Variants in MTX2 observed in about 807,000 individuals in gnomAD.
MTX2 encodes the protein metaxin 2.
In MTX2, 35 loss-of-function variants were observed where a neutral mutation model predicts 42.3. The ratio of observed to expected loss-of-function variants is 0.83; its 90% CI spans 0.63 to 1.10. The LOEUF (loss-of-function observed/expected upper bound fraction) is 1.10, where lower values mean the gene tolerates loss of function less well. Ranked by LOEUF, MTX2 falls within the 50% of genes least tolerant of loss-of-function variation. The pLI, the probability that MTX2 is intolerant of heterozygous loss-of-function variation, is 0.00. For synonymous variants in MTX2, 119 were observed against 100.9 expected (o/e 1.18, Z -1.08); for missense variants, 307 against 304.1 (o/e 1.01, Z -0.07).
chr2:176,328,851 A>C (rs769451466), intron 6 of MTX2, 23 bp from the exon 7 acceptor site: 1 of 1,600,678 alleles, frequency 6.2e-7, no homozygotes, highest in South Asian at 1.1e-5. Flanking sequence ...TCTAAAGTTT[A>C]GTGACTGTTC....
intron 4 of MTX2, among the ~76,000 whole-genome samples, chr2:176,326,584 A>G (rs954580325): frequency 6.6e-6 from 1 of 151,554 alleles, no homozygotes; most frequent in African/African-American, 2.4e-5. Context: ...GTGATCTGTT[A>G]TTATATCTAA....
At chr2:176,292,016 A>G (rs902165469) in intron 1 of MTX2, among the ~76,000 whole-genome samples, 1 of 152,222 alleles carries the variant, frequency 6.6e-6, no homozygotes, top group African/African-American at 2.4e-5. Flanking sequence ...AGAACCACAC[A>G]TAACTATTGA....
chr2:176,295,115 G>C (rs1683827861), intron 1 of MTX2, among the ~76,000 whole-genome samples: 1 of 152,152 alleles, frequency 6.6e-6, no homozygotes, highest in Admixed American at 6.5e-5. Context: ...TCGTAGTACA[G>C]TGTGGGGTAC....
intron 3 of MTX2, among the ~76,000 whole-genome samples, chr2:176,306,611 A>G (rs1186870804): frequency 2.6e-5 from 4 of 152,152 alleles, no homozygotes; most frequent in Non-Finnish European, 5.9e-5. Flanking sequence ...TCTAACTGGC[A>G]TGAGATGATA....
At chr2:176,319,884 G>C (rs1001931839) in intron 3 of MTX2, among the ~76,000 whole-genome samples, 14 of 152,030 alleles carry the variant, frequency 9.2e-5, no homozygotes, top group Non-Finnish European at 1.5e-4. Flanking sequence ...AATTTTTGTA[G>C]AGAGAAGCTC....
chr2:176,285,155 C>G (rs1170793870), intron 1 of MTX2, among the ~76,000 whole-genome samples: 1 of 152,166 alleles, frequency 6.6e-6, no homozygotes, highest in East Asian at 1.9e-4. Flanking sequence ...GCTGCTGTCA[C>G]TTACTAGCAT....
chr2:176,308,827 CT>C (rs758789107), intron 3 of MTX2, among the ~76,000 whole-genome samples: 71 of 151,978 alleles, frequency 4.7e-4, no homozygotes, highest in Non-Finnish European at 7.4e-4. Context: ...TTTTGTTGAT[CT>C]TTTTAAAAAA....
chr2:176,323,283 G>A (rs1473983494), intron 3 of MTX2, 109 bp from the exon 4 acceptor site: 5 of 874,384 alleles, frequency 5.7e-6, no homozygotes, highest in Non-Finnish European at 7.2e-6. Flanking sequence ...TTTTCTATTA[G>A]AGTTTTGTAG....
chr2:176,299,900 A>G (rs1023589015), intron 3 of MTX2, among the ~76,000 whole-genome samples: 2 of 151,976 alleles, frequency 1.3e-5, no homozygotes, highest in African/African-American at 4.8e-5. Context: ...TACTTAACAC[A>G]TACACTTGGT....
At chr2:176,319,799 C>G (rs191848098) in intron 3 of MTX2, among the ~76,000 whole-genome samples, 1 of 152,220 alleles carries the variant, frequency 6.6e-6, no homozygotes, top group Non-Finnish European at 1.5e-5. Flanking sequence ...TGGTCTCAAA[C>G]TCCTGAGCTT....
Position 176,269,536 on chromosome 2 carries a change from A to C in MTX2, c.-94A>C. 7.2e-7 allele frequency: 1 copy of C among 1,379,342 alleles called. No homozygotes were observed. The highest frequency in any genetic ancestry group is 9.7e-7 in the Non-Finnish European group (1 of 1,026,818). The allele number at this position is 1,379,342 out of a possible 1,614,324, so 85.4% of individuals were successfully genotyped here. ...TGCGAGTCTGAACGTTGGCGGGGCT[A>C]GGCTCGTTAACTGCCGAGAGCCTCC... On this transcript the variant is annotated 5_prime_UTR_variant, in exon 1 of 10. Coordinates refer to ENST00000249442, the MANE Select transcript of MTX2 (RefSeq NM_006554.5).
At chr2:176,325,521 T>G (rs568947945) in intron 4 of MTX2, among the ~76,000 whole-genome samples, 2 of 151,848 alleles carry the variant, frequency 1.3e-5, no homozygotes, top group African/African-American at 4.8e-5. Context: ...CAATGTATTT[T>G]TAAGAAAAGA....
intron 3 of MTX2, among the ~76,000 whole-genome samples, chr2:176,320,055 A>G (rs1338511069): frequency 6.6e-6 from 1 of 152,122 alleles, no homozygotes; most frequent in Non-Finnish European, 1.5e-5. Context: ...TTAATTGACT[A>G]ACTAGAATTA....
At chr2:176,317,396 G>A (rs1005326137) in intron 3 of MTX2, among the ~76,000 whole-genome samples, 1 of 152,092 alleles carries the variant, frequency 6.6e-6, no homozygotes, top group Non-Finnish European at 1.5e-5. Flanking sequence ...AAGTTGTCTT[G>A]CTCTCTGCAG....
At position 176,333,384 on chromosome 2, in the gene MTX2, T is replaced by C. The variant is rs189169279; in HGVS notation, c.620+2724T>C. Among the ~76,000 whole-genome samples, 7 of 151,732 alleles carry C rather than the reference T, an allele frequency of 4.6e-5. No homozygotes were observed. The East Asian group carries it at 1.2e-3, about 25-fold the overall frequency. On this transcript the variant is annotated intron_variant, in intron 9 of 9. Coordinates refer to ENST00000249442, the MANE Select transcript of MTX2 (RefSeq NM_006554.5). ...ACTGGATAAAATATGTTACTTGTCT[T>C]TTTGTTAAGTCAGGTTTATTGATGT...
At chr2:176,283,248 C>A (rs930357906) in intron 1 of MTX2, among the ~76,000 whole-genome samples, 3 of 152,146 alleles carry the variant, frequency 2.0e-5, no homozygotes, top group Non-Finnish European at 4.4e-5. Context: ...ATCCCACCTC[C>A]CTTTTTGTTC....
intron 3 of MTX2, among the ~76,000 whole-genome samples, chr2:176,318,572 A>G (rs1016868068): frequency 3.9e-5 from 6 of 152,262 alleles, no homozygotes; most frequent in Non-Finnish European, 5.9e-5. Context: ...GGAGTTGCTC[A>G]GCAAATGAGA....
intron 1 of MTX2, chr2:176,270,117 T>A (rs976378967): frequency 1.0e-5 from 3 of 290,214 alleles, no homozygotes; most frequent in Non-Finnish European, 2.0e-5. Flanking sequence ...CCAGACTTCT[T>A]GCTTCGTCTC....
intron 3 of MTX2, among the ~76,000 whole-genome samples, chr2:176,308,870 G>T (rs181725967): frequency 1.4e-3 from 218 of 152,126 alleles, no homozygotes; most frequent in Non-Finnish European, 2.2e-3. Flanking sequence ...ATTTTGAAGG[G>T]TTTTTTGTGT....
Sources: gnomAD v4.1 joint callset for allele counts (sites outside exome capture counted in the v4.1 genomes callset) on GRCh38, gnomAD v4.1.1 for gene constraint, MANE v1.5 for transcripts, NCBI Gene and HGNC (gene_info 2026-07-23, HGNC 2026-07-21) for gene names.